Variants in TAF4B observed in about 807,000 individuals in gnomAD.
TAF4B encodes transcription initiation factor TFIID subunit 4B.
A neutral mutation model predicts 86.4 loss-of-function variants in TAF4B; 38 were observed. The ratio of observed to expected loss-of-function variants is 0.44; its 90% confidence interval spans 0.34 to 0.58. The LOEUF (loss-of-function observed/expected upper bound fraction) is 0.58, where lower values mean the gene tolerates loss of function less well. Among genes scored for constraint, TAF4B ranks in the 20% least tolerant of loss-of-function variants. The probability of loss-of-function intolerance (pLI) is 0.02; values close to 1 mark genes in which losing one functional copy is unlikely to be tolerated. For synonymous variants in TAF4B, 388 were observed against 391.2 expected, an observed-to-expected ratio of 0.99 and a Z score of 0.10; for missense variants, 988 against 1,027.6, an observed-to-expected ratio of 0.96 and a Z score of 0.53.
intron 13 of TAF4B, among the ~76,000 whole-genome samples, chr18:26,354,359 A>G (rs1242129165): frequency 6.6e-6 from 1 of 152,210 alleles, no homozygotes; most frequent in Non-Finnish European, 1.5e-5. Context: ...AGGTTTGAGC[A>G]CAGCACCCAG....
At chr18:26,357,608 A>G in intron 13 of TAF4B, 82 bp from the exon 14 acceptor site, 1 of 908,384 alleles carries the variant, frequency 1.1e-6, no homozygotes. Context: ...GTGAATGCAG[A>G]ATTAGGCTTA....
At position 26,243,245 on chromosome 18, in the gene TAF4B, T is replaced by C. The variant is rs943074147; in HGVS notation, c.343+15969T>C. On this transcript the variant is annotated intron_variant, in intron 1 of 14. Transcript: ENST00000269142. ...CCAATCAGATGTAGATTTGGTCTTT[T>C]TACATAGTCCCATATTTCCTGGAGG... Among the ~76,000 whole-genome samples the C allele has an allele frequency of 1.1e-4, 17 of 152,356 alleles. No individual in the cohort carries two copies. In the South Asian group the frequency reaches 1.9e-3, roughly 17 times the overall value.
intron 9 of TAF4B, among the ~76,000 whole-genome samples, chr18:26,308,279 C>T (rs2056816874): frequency 6.6e-6 from 1 of 152,094 alleles, no homozygotes; most frequent in Admixed American, 6.6e-5. Flanking sequence ...GGTTGTTGAA[C>T]ATTCCAAGTG....
chr18:26,311,553 G>A (rs2144657842), intron 9 of TAF4B, among the ~76,000 whole-genome samples: 1 of 152,220 alleles, frequency 6.6e-6, no homozygotes, highest in South Asian at 2.1e-4. Flanking sequence ...CCCAGGTGGT[G>A]GAGGTTGCAG....
intron 13 of TAF4B, among the ~76,000 whole-genome samples, chr18:26,348,079 A>G (rs963873274): frequency 1.3e-5 from 2 of 152,232 alleles, no homozygotes; most frequent in African/African-American, 4.8e-5. Flanking sequence ...CCTAGCAGGC[A>G]TTTATGGAAC....
In TAF4B at chr18:26,381,437, A is replaced by G. The variant is rs2057477810; in HGVS notation, c.2422-8408A>G. On this transcript the variant is annotated intron_variant, in intron 14 of 14. Coordinates refer to ENST00000269142, the MANE Select transcript of TAF4B (RefSeq NM_005640.3). ...AAAATGGAAGAGTCTTTTAAAACCAAGTAATTTGGCTGGGCGCGGTAGCTC... is the reference window on the plus strand; with the variant it reads ...AAAATGGAAGAGTCTTTTAAAACCAGGTAATTTGGCTGGGCGCGGTAGCTC... 2.0e-5 allele frequency among the ~76,000 whole-genome samples: 3 copies of G among 151,368 alleles called. No individual in the cohort carries two copies. The South Asian group carries it at 6.4e-4, about 32-fold the overall frequency.
At chr18:26,350,797 G>T (rs1014806574) in intron 13 of TAF4B, among the ~76,000 whole-genome samples, 1 of 152,112 alleles carries the variant, frequency 6.6e-6, no homozygotes, top group African/African-American at 2.4e-5. Context: ...AATCATCAGA[G>T]AAATGAAAAT....
At chr18:26,360,481 T>TA (rs1245402725) in intron 14 of TAF4B, among the ~76,000 whole-genome samples, 2 of 152,226 alleles carry the variant, frequency 1.3e-5, no homozygotes, top group African/African-American at 2.4e-5. Flanking sequence ...ATTTTTCCTT[T>TA]AAAAAATGCC....
rs148675219 is a variant in TAF4B at position 26,387,307 on chromosome 18, G to T, written c.2422-2538G>T. Among the ~76,000 whole-genome samples, 514 of 152,214 alleles carry T rather than the reference G, an allele frequency of 3.4e-3. 2 individuals are homozygous for T. The highest frequency in any genetic ancestry group is 0.012 in the African/African-American group (486 of 41,552). On this transcript the variant is annotated intron_variant, in intron 14 of 14. Coordinates refer to ENST00000269142, the MANE Select transcript of TAF4B (RefSeq NM_005640.3). ...TGGTCTCGAACTCCTGACCTCAAGC[G>T]ATTTGCTTGCCTTGGCCTAAATATG...
chr18:26,264,372 C>T (rs1321966239), intron 1 of TAF4B, among the ~76,000 whole-genome samples: 2 of 152,026 alleles, frequency 1.3e-5, no homozygotes, highest in Non-Finnish European at 2.9e-5. Flanking sequence ...ACCCAGGAGG[C>T]GGAGGTTGCA....
chr18:26,337,962 G>A (rs566869360), intron 13 of TAF4B, among the ~76,000 whole-genome samples: 90 of 152,166 alleles, frequency 5.9e-4, no homozygotes, highest in African/African-American at 2.0e-3. Flanking sequence ...CTACCTACCA[G>A]GCTTGTCATA....
At chr18:26,371,916 C>T (rs1258939979) in intron 14 of TAF4B, among the ~76,000 whole-genome samples, 1 of 152,116 alleles carries the variant, frequency 6.6e-6, no homozygotes, top group African/African-American at 2.4e-5. Flanking sequence ...AGCCATTTGC[C>T]AGAGTGATTG....
chr18:26,302,511 G>C (rs1028927033), intron 9 of TAF4B, among the ~76,000 whole-genome samples: 1 of 150,544 alleles, frequency 6.6e-6, no homozygotes, highest in African/African-American at 2.4e-5. Context: ...ACAGGTACAC[G>C]CCATAACAAT....
intron 5 of TAF4B, among the ~76,000 whole-genome samples, chr18:26,277,801 T>G (rs943959199): frequency 7.9e-5 from 12 of 152,244 alleles, no homozygotes; most frequent in Non-Finnish European, 1.3e-4. Context: ...CACTGAGTTA[T>G]GCAGATCTTT....
chr18:26,337,032 T>C (rs2057097572), intron 13 of TAF4B, among the ~76,000 whole-genome samples: 2 of 152,234 alleles, frequency 1.3e-5, no homozygotes, highest in African/African-American at 4.8e-5. Flanking sequence ...AAAAAATGCC[T>C]CTGTTAATGA....
intron 1 of TAF4B, among the ~76,000 whole-genome samples, chr18:26,263,229 C>T (rs1356930681): frequency 1.3e-5 from 2 of 152,208 alleles, no homozygotes; most frequent in South Asian, 2.1e-4. Flanking sequence ...GTTGGGATTA[C>T]AGGCGTGAGC....
chr18:26,238,156 A>G (rs2055777921), intron 1 of TAF4B, among the ~76,000 whole-genome samples: 1 of 152,132 alleles, frequency 6.6e-6, no homozygotes. Context: ...GGACCAAGAA[A>G]AATCGGATTT....
At chr18:26,302,833 T>C (rs1403390988) in intron 9 of TAF4B, among the ~76,000 whole-genome samples, 1 of 152,126 alleles carries the variant, frequency 6.6e-6, no homozygotes, top group African/African-American at 2.4e-5. Context: ...TCCTATGTCA[T>C]ATATATATGG....
intron 5 of TAF4B, among the ~76,000 whole-genome samples, chr18:26,277,866 C>G (rs550227519): frequency 7.2e-5 from 11 of 152,294 alleles, no homozygotes; most frequent in African/African-American, 2.6e-4. Context: ...TCATTAAATT[C>G]ACCAACCTTA....
Sources: allele counts gnomAD v4.1 joint callset (sites outside exome capture counted in the v4.1 genomes callset), GRCh38; gene constraint gnomAD v4.1.1; transcripts MANE v1.5; gene names NCBI Gene and HGNC (gene_info 2026-07-23, HGNC 2026-07-21).